GSK3B: variants seen among roughly 807,000 people sequenced by gnomAD.
GSK3B encodes the protein glycogen synthase kinase-3 beta.
Under a neutral mutation model 56.4 loss-of-function variants are expected in GSK3B, and 15 were observed. The ratio of observed to expected loss-of-function variants is 0.27; its 90% CI spans 0.18 to 0.41. The LOEUF (loss-of-function observed/expected upper bound fraction) is 0.41. GSK3B is among the 10% of genes least tolerant of loss of function. GSK3B has a pLI of 1.00. For synonymous variants in GSK3B, 181 were observed against 188.9 expected, an observed-to-expected ratio of 0.96 and a Z score of 0.34; for missense variants, 300 against 513.4, an observed-to-expected ratio of 0.58 and a Z score of 4.02.
At chr3:119,986,000 G>C (rs564429382) in intron 2 of GSK3B, among the ~76,000 whole-genome samples, 9 of 152,096 alleles carry the variant, frequency 5.9e-5, no homozygotes, top group Non-Finnish European at 1.0e-4. Flanking sequence ...TAGACCAATG[G>C]AACAGAAGAG....
In GSK3B at chr3:120,017,568, T is replaced by A. The variant is rs182713495; in HGVS notation, c.89-15329A>T. 3.4e-3 allele frequency among the ~76,000 whole-genome samples: 521 copies of A among 152,292 alleles called. 1 individual carries two copies. Among genetic ancestry groups the A allele is most frequent in the Non-Finnish European group, 5.9e-3 (403 of 68,018 alleles). On this transcript the variant is annotated intron_variant, in intron 1 of 10. Coordinates refer to ENST00000264235, the MANE Select transcript of GSK3B (RefSeq NM_001146156.2). ...AAACTGCTTTTTCCATAGCACAGCA[T>A]ACAAATTTACACACATTTTTAATCA...
At chr3:119,979,048 C>T (rs2057436253) in intron 2 of GSK3B, among the ~76,000 whole-genome samples, 1 of 152,248 alleles carries the variant, frequency 6.6e-6, no homozygotes, top group African/African-American at 2.4e-5. Flanking sequence ...CTCCACTGTG[C>T]TGTCTCCTTC....
chr3:119,843,166 C>T lies in GSK3B; in HGVS notation c.1195+89G>A, dbSNP rs1020710003. 148 of 679,866 alleles carry T rather than the reference C, an allele frequency of 2.2e-4. 1 individual carries two copies. Among genetic ancestry groups the T allele is most frequent in the South Asian group, 1.1e-3 (77 of 68,544 alleles). 42.1% of individuals were successfully genotyped at this position (679,866 alleles called of 1,614,324 possible). On this transcript the variant is annotated intron_variant, in intron 10 of 10. Transcript: ENST00000264235. ...CTGACCTCAGGTGATCCACCCACCTCGGCCTCCCAAAGTGCTGGGATTACA... is the reference window on the plus strand; with the variant it reads ...CTGACCTCAGGTGATCCACCCACCTTGGCCTCCCAAAGTGCTGGGATTACA...
chr3:120,062,074 C>T (rs996670054), intron 1 of GSK3B, among the ~76,000 whole-genome samples: 20 of 152,206 alleles, frequency 1.3e-4, no homozygotes, highest in African/African-American at 4.6e-4. Context: ...CTCCTGAAAC[C>T]CTTGTCAGCA....
chr3:119,965,752 G>T (rs757349242), intron 2 of GSK3B, among the ~76,000 whole-genome samples: 3 of 152,058 alleles, frequency 2.0e-5, no homozygotes, highest in Non-Finnish European at 4.4e-5. Context: ...TTCATTTATT[G>T]TGTTCAAAGG....
intron 7 of GSK3B, among the ~76,000 whole-genome samples, chr3:119,889,758 T>G (rs1033204402): frequency 1.3e-5 from 2 of 152,032 alleles, no homozygotes; most frequent in Non-Finnish European, 2.9e-5. Context: ...GCAGAAATTG[T>G]CAAACTCAAT....
At chr3:119,846,876 G>A (rs1195883874) in intron 9 of GSK3B, among the ~76,000 whole-genome samples, 1 of 152,074 alleles carries the variant, frequency 6.6e-6, no homozygotes, top group Non-Finnish European at 1.5e-5. Context: ...GCAAAGACTT[G>A]GAACCAACCC....
intron 1 of GSK3B, among the ~76,000 whole-genome samples, chr3:120,048,023 T>C (rs1008494995): frequency 2.0e-5 from 3 of 152,270 alleles, no homozygotes; most frequent in Admixed American, 2.0e-4. Context: ...CCACAATTGT[T>C]AATACACTTC....
intron 8 of GSK3B, among the ~76,000 whole-genome samples, chr3:119,870,714 C>A (rs1166855828): frequency 6.6e-6 from 1 of 152,052 alleles, no homozygotes; most frequent in African/African-American, 2.4e-5. Context: ...GTAGAACTTT[C>A]AGTAGAGAAC....
At chr3:119,948,567 C>A (rs2057123735) in intron 2 of GSK3B, among the ~76,000 whole-genome samples, 1 of 152,168 alleles carries the variant, frequency 6.6e-6, no homozygotes, top group Non-Finnish European at 1.5e-5. Flanking sequence ...ATTACTTTAA[C>A]AAATAACTAA....
intron 7 of GSK3B, among the ~76,000 whole-genome samples, chr3:119,896,948 G>T (rs73175853): frequency 0.091 from 13,901 of 152,156 alleles, 784 homozygotes; most frequent in Non-Finnish European, 0.12. Context: ...TGACTACAGG[G>T]TATTATATCC....
In GSK3B at chr3:119,826,519, T is replaced by G; in HGVS notation, c.*269A>C. Reference sequence around the variant, plus strand: ...AAAAAAGATTGTCGTGGGAGAGAGATTGTATGTTCTAGTGCTCCGCTTTCC... The same window carrying G: ...AAAAAAGATTGTCGTGGGAGAGAGAGTGTATGTTCTAGTGCTCCGCTTTCC... On this transcript the variant is annotated 3_prime_UTR_variant, in exon 11 of 11. Transcript: ENST00000264235. The G allele has an allele frequency of 1.8e-6, 1 of 568,832 alleles. No individual in the cohort carries two copies. Among genetic ancestry groups the G allele is most frequent in the South Asian group, 2.0e-5 (1 of 50,278 alleles). The allele number at this position is 568,832 out of a possible 1,614,324, so 35.2% of individuals were successfully genotyped here.
At chr3:119,828,235 C>G (rs1454581331) in intron 10 of GSK3B, among the ~76,000 whole-genome samples, 1 of 152,170 alleles carries the variant, frequency 6.6e-6, no homozygotes, top group Non-Finnish European at 1.5e-5. Context: ...ATCTCCTCCC[C>G]CCTTTTAAGG....
At chr3:119,915,559 A>G (rs2056772423) in intron 5 of GSK3B, among the ~76,000 whole-genome samples, 1 of 152,120 alleles carries the variant, frequency 6.6e-6, no homozygotes, top group South Asian at 2.1e-4. Flanking sequence ...ACATATATAT[A>G]TATATAGTCA....
rs1293219022 is a variant in GSK3B at position 119,821,425 on chromosome 3, T to C, written c.*5363A>G. On this transcript the variant is annotated 3_prime_UTR_variant, in exon 11 of 11. Transcript: ENST00000264235. Reference sequence around the variant, plus strand: ...GCCAGCCCTAAAAAAATGATGTTTCTTTTTGCACTAAGAGACATAACATGT... The same window carrying C: ...GCCAGCCCTAAAAAAATGATGTTTCCTTTTGCACTAAGAGACATAACATGT... 6.6e-6 allele frequency: 1 copy of C among 152,240 alleles called. No individual in the cohort carries two copies. Among genetic ancestry groups the C allele is most frequent in the Non-Finnish European group, 1.5e-5 (1 of 68,048 alleles). 9.4% of individuals were successfully genotyped at this position (152,240 alleles called of 1,614,324 possible). A position where few individuals can be genotyped will look rare whatever the true frequency, so the allele number is the denominator to read the frequency against.
At chr3:120,030,209 T>C (rs2057963703) in intron 1 of GSK3B, among the ~76,000 whole-genome samples, 1 of 152,178 alleles carries the variant, frequency 6.6e-6, no homozygotes, top group Admixed American at 6.5e-5. Flanking sequence ...AACGTTGGGG[T>C]TCTTCTAGGC....
intron 4 of GSK3B, among the ~76,000 whole-genome samples, chr3:119,916,555 T>A (rs995053873): frequency 1.3e-5 from 2 of 152,200 alleles, no homozygotes; most frequent in African/African-American, 4.8e-5. Flanking sequence ...TCAGTAACTT[T>A]GGGCCAGAAA....
At chr3:119,838,435 GA>G (rs1211537130) in intron 10 of GSK3B, among the ~76,000 whole-genome samples, 1 of 152,012 alleles carries the variant, frequency 6.6e-6, no homozygotes, top group Non-Finnish European at 1.5e-5. Context: ...TGTTTTTTAG[GA>G]AAAAAATCAA....
intron 3 of GSK3B, among the ~76,000 whole-genome samples, chr3:119,944,426 T>G (rs1156428011): frequency 2.0e-5 from 3 of 152,084 alleles, no homozygotes; most frequent in African/African-American, 7.2e-5. Flanking sequence ...TCATGCAGGG[T>G]TCTTTTTACC....
Sources: gnomAD v4.1 joint callset for allele counts (sites outside exome capture counted in the v4.1 genomes callset) on GRCh38, gnomAD v4.1.1 for gene constraint, MANE v1.5 for transcripts, NCBI Gene and HGNC (gene_info 2026-07-23, HGNC 2026-07-21) for gene names.